RARB: variants seen among roughly 807,000 people sequenced by gnomAD.
RARB encodes HBV-activated protein.
A neutral mutation model predicts 51.9 loss-of-function variants in RARB; 17 were observed. That is an observed-to-expected ratio of 0.33 (90% CI 0.22 to 0.49). The LOEUF is 0.49. Among genes scored for constraint, RARB ranks in the 20% least tolerant of loss-of-function variants. The probability of loss-of-function intolerance (pLI) is 0.99; values close to 1 mark genes in which losing one functional copy is unlikely to be tolerated. For synonymous variants in RARB, 215 were observed against 195.4 expected (o/e 1.10, Z -0.84); for missense variants, 369 against 550.8 (o/e 0.67, Z 3.30).
intron 5 of RARB, among the ~76,000 whole-genome samples, chr3:25,331,914 A>G (rs1017940408): frequency 6.6e-6 from 1 of 152,218 alleles, no homozygotes; most frequent in African/African-American, 2.4e-5. Flanking sequence ...CAAATAAACT[A>G]GAAAATCTAG....
chr3:25,402,420 A>G (rs1707287823), intron 5 of RARB, among the ~76,000 whole-genome samples: 1 of 152,212 alleles, frequency 6.6e-6, no homozygotes, highest in African/African-American at 2.4e-5. Context: ...CTAAAAATTG[A>G]GCTACCATGT....
intron 2 of RARB, among the ~76,000 whole-genome samples, chr3:25,041,671 A>C (rs2125295256): frequency 6.6e-6 from 1 of 152,112 alleles, no homozygotes; most frequent in South Asian, 2.1e-4. Flanking sequence ...TTCCTCTCTT[A>C]GATTCAGGGG....
chr3:25,017,841 C>A (rs529152996), intron 2 of RARB, among the ~76,000 whole-genome samples: 9 of 152,114 alleles, frequency 5.9e-5, no homozygotes, highest in African/African-American at 1.2e-4. Context: ...GAAAGCTAAT[C>A]CCCAGTGTGA....
chr3:25,285,110 G>C (rs749464159), intron 5 of RARB, among the ~76,000 whole-genome samples: 1 of 152,158 alleles, frequency 6.6e-6, no homozygotes, highest in African/African-American at 2.4e-5. Flanking sequence ...CAGTTTAATA[G>C]CTGAGAGCAT....
intron 1 of RARB, chr3:25,441,332 T>C (rs1708671256): frequency 5.4e-6 from 2 of 372,304 alleles, no homozygotes; most frequent in East Asian, 7.2e-5. Context: ...GCACCACATA[T>C]TGGAAGGGAA....
intron 2 of RARB, among the ~76,000 whole-genome samples, chr3:24,859,036 C>CAAAAAAAAAAAA (rs1169235713): frequency 1.8e-4 from 9 of 50,236 alleles, no homozygotes; most frequent in Non-Finnish European, 2.1e-4. Context: ...GACTCTGTCT[C>CAAAAAAAAAAAA]AAAAAAAAAA....
chr3:24,984,649 T>G (rs2125428645), intron 2 of RARB, among the ~76,000 whole-genome samples: 1 of 152,346 alleles, frequency 6.6e-6, no homozygotes, highest in East Asian at 1.9e-4. Flanking sequence ...CATTTATGTA[T>G]TTTGAATAAA....
chr3:25,002,454 G>C (rs1443750547), intron 2 of RARB, among the ~76,000 whole-genome samples: 1 of 152,070 alleles, frequency 6.6e-6, no homozygotes, highest in Non-Finnish European at 1.5e-5. Context: ...CAACACACTG[G>C]GCATCATCCA....
chr3:24,853,803 G>A (rs529099431), intron 1 of RARB, among the ~76,000 whole-genome samples: 2 of 152,294 alleles, frequency 1.3e-5, no homozygotes, highest in East Asian at 3.9e-4. Flanking sequence ...TTGGGCACAG[G>A]ATAAAAGGAA....
intron 5 of RARB, among the ~76,000 whole-genome samples, chr3:25,409,917 T>A (rs1421499973): frequency 6.6e-6 from 1 of 152,206 alleles, no homozygotes; most frequent in East Asian, 1.9e-4. Flanking sequence ...GTAGAAACAA[T>A]CAAAATATTG....
intron 2 of RARB, among the ~76,000 whole-genome samples, chr3:25,007,466 A>G (rs1697296021): frequency 6.6e-6 from 1 of 151,866 alleles, no homozygotes; most frequent in Non-Finnish European, 1.5e-5. Context: ...TCTCTACTAA[A>G]AAATACAAAA....
At chr3:25,130,285 C>T (rs1699924944) in intron 3 of RARB, among the ~76,000 whole-genome samples, 1 of 151,982 alleles carries the variant, frequency 6.6e-6, no homozygotes, top group African/African-American at 2.4e-5. Flanking sequence ...CTGCCAAAAC[C>T]CTACTTGTCT....
chr3:25,259,418 C>T (rs1189343101), intron 5 of RARB, among the ~76,000 whole-genome samples: 3 of 152,082 alleles, frequency 2.0e-5, no homozygotes, highest in Non-Finnish European at 4.4e-5. Context: ...TCATGTATCA[C>T]TTGTTGACCT....
intron 5 of RARB, among the ~76,000 whole-genome samples, chr3:25,256,510 T>C (rs1021173793): frequency 6.6e-6 from 1 of 152,170 alleles, no homozygotes; most frequent in African/African-American, 2.4e-5. Flanking sequence ...AGAGATCCTT[T>C]AAAGGATGTC....
intron 2 of RARB, among the ~76,000 whole-genome samples, chr3:25,487,411 G>A (rs1696525426): frequency 6.6e-6 from 1 of 151,216 alleles, no homozygotes; most frequent in Non-Finnish European, 1.5e-5. Context: ...TGCTTTGCCG[G>A]TAGTGAATGC....
intron 1 of RARB, among the ~76,000 whole-genome samples, chr3:25,434,092 G>A (rs752304243): frequency 1.3e-5 from 2 of 152,194 alleles, no homozygotes; most frequent in Non-Finnish European, 2.9e-5. Flanking sequence ...AGGAACTGAC[G>A]TCAGCAAGGC....
intron 5 of RARB, among the ~76,000 whole-genome samples, chr3:25,333,006 A>G (rs1704951613): frequency 6.6e-6 from 1 of 152,202 alleles, no homozygotes; most frequent in African/African-American, 2.4e-5. Context: ...ACTACAAACC[A>G]CTGCTCAACA....
chr3:25,143,987 G>GAAAA lies in RARB; in HGVS notation c.-280+11782_-280+11783insAAAA, dbSNP rs556347896. ...GAAATCAACCCAGTTCACTTTCTAT[G>GAAAA]AAAGATATTCATAACCTTGCCAGAG... On this transcript the variant is annotated intron_variant, in intron 4 of 11. Transcript: ENST00000383772. 5.1e-3 allele frequency among the ~76,000 whole-genome samples: 774 copies of GAAAA among 152,268 alleles called. 8 individuals carry two copies. Among genetic ancestry groups the GAAAA allele is most frequent in the African/African-American group, 0.018 (734 of 41,552 alleles).
At chr3:25,506,252 C>CAAAAAAA (rs35856686) in intron 3 of RARB, among the ~76,000 whole-genome samples, 1 of 57,770 alleles carries the variant, frequency 1.7e-5, no homozygotes, top group Non-Finnish European at 3.2e-5. Context: ...GACTCCATCT[C>CAAAAAAA]AAAAAAAAAA....
Sources: gnomAD v4.1 joint callset for allele counts (sites outside exome capture counted in the v4.1 genomes callset) on GRCh38, gnomAD v4.1.1 for gene constraint, MANE v1.5 for transcripts, NCBI Gene and HGNC (gene_info 2026-07-23, HGNC 2026-07-21) for gene names.